Variants in CNST observed in about 807,000 individuals in gnomAD.
CNST encodes the protein consortin, connexin sorting protein.
Under a neutral mutation model 72.4 loss-of-function variants are expected in CNST, and 39 were observed. The ratio of observed to expected loss-of-function variants is 0.54; its 90% CI spans 0.42 to 0.70. CNST has a LOEUF of 0.70. Ranked by LOEUF, CNST falls within the 30% of genes least tolerant of loss-of-function variation. CNST has a pLI of 0.00. For missense variants in CNST, 871 were observed against 868.5 expected (o/e 1.00, Z -0.04); for synonymous variants, 332 against 320.1 (o/e 1.04, Z -0.40).
intron 1 of CNST, among the ~76,000 whole-genome samples, chr1:246,586,496 T>TAATATATA (rs1458220138): frequency 6.7e-6 from 1 of 148,976 alleles, no homozygotes; most frequent in Non-Finnish European, 1.5e-5. Flanking sequence ...GATATATAAA[T>TAATATATA]AATATATAAA....
rs1006090800 is a variant in CNST, at chr1:246,621,392, T to C, written c.380-37T>C. On this transcript the variant is annotated intron_variant, in intron 2 of 10. Coordinates refer to ENST00000366513, the MANE Select transcript of CNST (RefSeq NM_152609.3). Reference sequence around the variant, plus strand: ...TTAATGTGTTACACCATCATGGGAATTGATCCTAACATAGGCATTTTCTTT... The same window carrying C: ...TTAATGTGTTACACCATCATGGGAACTGATCCTAACATAGGCATTTTCTTT... The C allele has an allele frequency of 1.4e-5, 20 of 1,476,350 alleles. No individual in the cohort carries two copies. In the Admixed American group the frequency reaches 3.0e-4, roughly 22 times the overall value. 91.5% of individuals were successfully genotyped at this position (1,476,350 alleles called of 1,614,324 possible).
Position 246,599,552 on chromosome 1 carries a change from G to A in CNST, c.379+7611G>A, listed in dbSNP as rs759427816. ...TGACACTTCTGCCTCTCTCTTCCAC[G>A]TTTAAGGTCCCTTGTGATTACACTG... On this transcript the variant is annotated intron_variant, in intron 2 of 10. Transcript: ENST00000366513. Among the ~76,000 whole-genome samples, 12 of 152,208 alleles carry A rather than the reference G, an allele frequency of 7.9e-5. No individual in the cohort carries two copies. The East Asian group carries it at 9.6e-4, about 12-fold the overall frequency.
chr1:246,660,112 A>G (rs187009318), intron 9 of CNST, 87 bp from the exon 10 acceptor site: 38 of 1,120,106 alleles, frequency 3.4e-5, no homozygotes, highest in Non-Finnish European at 2.8e-5. Flanking sequence ...AAAAATTCAA[A>G]TATCTGTTGA....
chr1:246,613,075 T>C (rs1663442310), intron 2 of CNST, among the ~76,000 whole-genome samples: 1 of 152,204 alleles, frequency 6.6e-6, no homozygotes, highest in South Asian at 2.1e-4. Flanking sequence ...ATAATACAAT[T>C]AGCTCCAATT....
intron 8 of CNST, among the ~76,000 whole-genome samples, chr1:246,644,612 C>T (rs532106070): frequency 2.6e-5 from 4 of 152,256 alleles, no homozygotes; most frequent in East Asian, 1.9e-4. Context: ...GGAGCAGCTA[C>T]GGAGGAGGTT....
chr1:246,632,548 CGA>C (rs368300581), intron 4 of CNST: 16 of 170,710 alleles, frequency 9.4e-5, no homozygotes, highest in African/African-American at 1.2e-4. Flanking sequence ...TGGTAGCAAG[CGA>C]GAGAGAGAGA....
intron 2 of CNST, among the ~76,000 whole-genome samples, chr1:246,597,065 A>T (rs1338237061): frequency 1.3e-5 from 2 of 152,100 alleles, no homozygotes; most frequent in Non-Finnish European, 2.9e-5. Context: ...TTCGTTATAT[A>T]TCTCTAGGAG....
chr1:246,606,594 C>T (rs1328940768), intron 2 of CNST: 6 of 151,888 alleles, frequency 4.0e-5, no homozygotes, highest in Admixed American at 6.6e-5. Flanking sequence ...CTAGAGCAGC[C>T]TGTAGTCTAA....
rs116469411 is a variant in CNST, at chr1:246,573,030, G to C, written c.-52+6367G>C. On this transcript the variant is annotated intron_variant, in intron 1 of 10. Transcript: ENST00000366513. ...CACATGAAAAGAGGGGTGGACGTTT[G>C]TGCAAATTATACTGGTTATGATATT... 3.9e-3 allele frequency among the ~76,000 whole-genome samples: 592 copies of C among 152,320 alleles called. 3 individuals carry two copies. The highest frequency in any genetic ancestry group is 0.014 in the African/African-American group (568 of 41,562).
At position 246,631,891 on chromosome 1, in the gene CNST, CAGAT is replaced by C. The variant is rs1286801955; in HGVS notation, c.586_589del (p.Ile196GlnfsTer14). On this transcript the variant is annotated splice_acceptor_variant and coding_sequence_variant, in exon 4 of 11. Transcript: ENST00000366513. LOFTEE classifies it high-confidence loss of function. ...TTCTCTGTGTTTTCTTTGTTTTTAACAGATAGCAGAATCCTATTTCCAGGAGGAG... is the reference window on the plus strand; with the variant it reads ...TTCTCTGTGTTTTCTTTGTTTTTAACAGCAGAATCCTATTTCCAGGAGGAG... 6.5e-7 allele frequency: 1 copy of C among 1,536,262 alleles called. No individual in the cohort carries two copies. The highest frequency in any genetic ancestry group is 8.9e-7 in the Non-Finnish European group (1 of 1,119,036).
chr1:246,592,273 G>C (rs886908773), intron 2 of CNST, among the ~76,000 whole-genome samples: 3 of 152,170 alleles, frequency 2.0e-5, no homozygotes, highest in African/African-American at 7.2e-5. Flanking sequence ...GATTACCTGA[G>C]GTCGGGAGTT....
chr1:246,592,026 C>T, intron 2 of CNST, 85 bp downstream of exon 2: 1 of 1,084,440 alleles, frequency 9.2e-7, no homozygotes, highest in Non-Finnish European at 1.3e-6. Flanking sequence ...TACTGTCCTG[C>T]ACCTTGCTTC....
chr1:246,592,885 A>T (rs1459164157), intron 2 of CNST, among the ~76,000 whole-genome samples: 3 of 152,330 alleles, frequency 2.0e-5, no homozygotes, highest in Non-Finnish European at 4.4e-5. Flanking sequence ...TTTGGCCTGA[A>T]TCACAGGGCC....
rs540335081 is a variant in CNST, at chr1:246,622,043, G to C, written c.585+409G>C. 2.3e-4 allele frequency among the ~76,000 whole-genome samples: 35 copies of C among 152,258 alleles called. No individual in the cohort carries two copies. The South Asian group carries it at 6.6e-3, about 29-fold the overall frequency. On this transcript the variant is annotated intron_variant, in intron 3 of 10. Transcript: ENST00000366513. ...AAATAAAAAATAAAATGCAATCTCT[G>C]TAAAATTGACTGTGTCCCACTCATC...
At chr1:246,603,095 A>G (rs184167485) in intron 2 of CNST, among the ~76,000 whole-genome samples, 1 of 152,188 alleles carries the variant, frequency 6.6e-6, no homozygotes, top group South Asian at 2.1e-4. Flanking sequence ...AGAAATCAAA[A>G]CTAAGAAATT....
chr1:246,639,191 G>A (rs1162939250), intron 6 of CNST, among the ~76,000 whole-genome samples: 2 of 152,122 alleles, frequency 1.3e-5, no homozygotes, highest in Non-Finnish European at 2.9e-5. Context: ...GCCGTTCGTC[G>A]GGATAGAGAG....
intron 2 of CNST, 144 bp downstream of exon 2, chr1:246,592,085 C>G: frequency 4.7e-6 from 3 of 639,930 alleles, no homozygotes; most frequent in South Asian, 4.0e-5. Context: ...CAAGTAGATC[C>G]AACTGCATGA....
chr1:246,581,150 G>GTA (rs1488232542), intron 1 of CNST, among the ~76,000 whole-genome samples: 3 of 152,204 alleles, frequency 2.0e-5, no homozygotes, highest in African/African-American at 7.2e-5. Context: ...TTTCTGTCCT[G>GTA]TATTTTCATT....
chr1:246,567,684 T>A (rs1282761794), intron 1 of CNST, among the ~76,000 whole-genome samples: 1 of 152,216 alleles, frequency 6.6e-6, no homozygotes, highest in Non-Finnish European at 1.5e-5. Context: ...TATAAATTTG[T>A]TAGGACATCA....
Sources: allele counts gnomAD v4.1 joint callset (sites outside exome capture counted in the v4.1 genomes callset), GRCh38; gene constraint gnomAD v4.1.1; transcripts MANE v1.5; gene names NCBI Gene and HGNC (gene_info 2026-07-23, HGNC 2026-07-21).